HHAT: variants seen among roughly 807,000 people sequenced by gnomAD.
HHAT encodes hedgehog acyltransferase.
HHAT carries 47 observed loss-of-function variants against 70.8 expected under a neutral mutation model. That is an observed-to-expected ratio of 0.66 (90% CI 0.53 to 0.85). The LOEUF (loss-of-function observed/expected upper bound fraction) is 0.85. HHAT is among the 40% of genes least tolerant of loss of function. The pLI, the probability that HHAT is intolerant of heterozygous loss-of-function variation, is 0.00. For missense variants in HHAT, 609 were observed against 604.8 expected, an observed-to-expected ratio of 1.01 and a Z score of -0.07; for synonymous variants, 228 against 247.6, an observed-to-expected ratio of 0.92 and a Z score of 0.74.
At chr1:210,362,236 C>CTTTTTT (rs72236593) in intron 2 of HHAT, among the ~76,000 whole-genome samples, 5 of 139,674 alleles carry the variant, frequency 3.6e-5, no homozygotes, top group Non-Finnish European at 3.1e-5. Flanking sequence ...GTCAAAATTT[C>CTTTTTT]TTTTTTTTTT....
intron 9 of HHAT, among the ~76,000 whole-genome samples, chr1:210,530,036 C>CT (rs1157107862): frequency 6.6e-6 from 1 of 152,162 alleles, no homozygotes; most frequent in Non-Finnish European, 1.5e-5. Flanking sequence ...CCACGTGAGT[C>CT]TTGAGGTAAC....
At chr1:210,524,144 A>G (rs1393284578) in intron 9 of HHAT, among the ~76,000 whole-genome samples, 6 of 152,270 alleles carry the variant, frequency 3.9e-5, no homozygotes, top group African/African-American at 9.6e-5. Context: ...GGCAAGATGC[A>G]TAAGCTCTGG....
chr1:210,574,206 G>T (rs898196351), intron 9 of HHAT, among the ~76,000 whole-genome samples: 1 of 152,174 alleles, frequency 6.6e-6, no homozygotes, highest in African/African-American at 2.4e-5. Flanking sequence ...GGTGAGATTG[G>T]CTGGGGAAAT....
intron 9 of HHAT, among the ~76,000 whole-genome samples, chr1:210,559,423 G>A (rs1350597597): frequency 2.0e-5 from 3 of 152,220 alleles, no homozygotes; most frequent in Non-Finnish European, 2.9e-5. Context: ...GGTAAAGGTT[G>A]ATGTGAAGCA....
At chr1:210,472,685 C>A (rs1366593021) in intron 8 of HHAT, among the ~76,000 whole-genome samples, 11 of 152,094 alleles carry the variant, frequency 7.2e-5, no homozygotes, top group African/African-American at 2.7e-4. Flanking sequence ...ATGACCAACA[C>A]CCAAGACACA....
chr1:210,343,328 G>C (rs1011361985), intron 1 of HHAT, among the ~76,000 whole-genome samples: 4 of 152,068 alleles, frequency 2.6e-5, no homozygotes, highest in African/African-American at 9.7e-5. Context: ...TTCTTCCCCT[G>C]GCCCCTTCCT....
intron 9 of HHAT, among the ~76,000 whole-genome samples, chr1:210,581,157 A>G (rs1256279915): frequency 6.6e-6 from 1 of 151,956 alleles, no homozygotes; most frequent in African/African-American, 2.4e-5. Context: ...TCCTTTTCCC[A>G]CTTTTTGATG....
intron 8 of HHAT, among the ~76,000 whole-genome samples, chr1:210,486,831 G>GT (rs1470364151): frequency 6.6e-6 from 1 of 152,108 alleles, no homozygotes; most frequent in Non-Finnish European, 1.5e-5. Context: ...CAATGGGCAG[G>GT]TAAGTGTCCT....
At chr1:210,367,042 T>C (rs990117736) in intron 3 of HHAT, among the ~76,000 whole-genome samples, 1 of 152,182 alleles carries the variant, frequency 6.6e-6, no homozygotes, top group Non-Finnish European at 1.5e-5. Flanking sequence ...ACAGACAACA[T>C]TCCTATGCTA....
At chr1:210,459,134 A>G (rs1195133463) in intron 7 of HHAT, among the ~76,000 whole-genome samples, 1 of 152,196 alleles carries the variant, frequency 6.6e-6, no homozygotes, top group Non-Finnish European at 1.5e-5. Flanking sequence ...TAGTAACTTC[A>G]AGGCAGTACC....
At chr1:210,422,659 A>G (rs1163895303) in intron 7 of HHAT, among the ~76,000 whole-genome samples, 1 of 151,256 alleles carries the variant, frequency 6.6e-6, no homozygotes, top group Non-Finnish European at 1.5e-5. Flanking sequence ...TTTTTTTGAG[A>G]CGGAGTCTCG....
At chr1:210,335,961 G>A (rs528224414) in intron 1 of HHAT, among the ~76,000 whole-genome samples, 1 of 152,256 alleles carries the variant, frequency 6.6e-6, no homozygotes, top group South Asian at 2.1e-4. Context: ...ACACAAAGCT[G>A]AGCAAAACCA....
chr1:210,423,622 C>T (rs1261257274), intron 7 of HHAT, among the ~76,000 whole-genome samples: 2 of 152,032 alleles, frequency 1.3e-5, no homozygotes, highest in Non-Finnish European at 2.9e-5. Flanking sequence ...ATTTATAAAA[C>T]CTTTCCCTGA....
intron 7 of HHAT, among the ~76,000 whole-genome samples, chr1:210,446,493 C>T (rs951964326): frequency 3.9e-5 from 6 of 152,172 alleles, no homozygotes; most frequent in African/African-American, 1.2e-4. Context: ...AATGTTTCTG[C>T]AGTTGTGTGC....
intron 9 of HHAT, among the ~76,000 whole-genome samples, chr1:210,549,307 T>C (rs761920308): frequency 6.7e-6 from 1 of 149,186 alleles, no homozygotes; most frequent in Non-Finnish European, 1.5e-5. Flanking sequence ...AGGGTTGGTA[T>C]TGAGCCATTG....
chr1:210,537,878 ACT>A (rs984075572), intron 9 of HHAT, among the ~76,000 whole-genome samples: 3 of 152,112 alleles, frequency 2.0e-5, no homozygotes, highest in African/African-American at 7.2e-5. Flanking sequence ...AGTTTGAGAA[ACT>A]CGAGTCATTT....
chr1:210,391,778 G>A (rs1341861511), intron 4 of HHAT, among the ~76,000 whole-genome samples: 1 of 152,162 alleles, frequency 6.6e-6, no homozygotes, highest in Non-Finnish European at 1.5e-5. Flanking sequence ...TACAGAAAGG[G>A]TGTTGAATAT....
intron 8 of HHAT, among the ~76,000 whole-genome samples, chr1:210,472,499 G>A (rs1014108015): frequency 6.6e-6 from 1 of 152,158 alleles, no homozygotes; most frequent in Middle Eastern, 3.2e-3. Context: ...TGGAGTATGG[G>A]GCTTGTGGGA....
At chr1:210,656,699 T>C (rs1165512953) in intron 11 of HHAT, among the ~76,000 whole-genome samples, 2 of 152,138 alleles carry the variant, frequency 1.3e-5, no homozygotes, top group African/African-American at 2.4e-5. Context: ...CTGTATTCCT[T>C]TTCTCTGCCC....
Sources: allele counts gnomAD v4.1 joint callset (sites outside exome capture counted in the v4.1 genomes callset), GRCh38; gene constraint gnomAD v4.1.1; transcripts MANE v1.5; gene names NCBI Gene and HGNC (gene_info 2026-07-23, HGNC 2026-07-21).